The following PIEZO2 variants were observed in gnomAD, a reference collection of about 807,000 sequenced individuals.
The protein encoded by PIEZO2 is piezo-type mechanosensitive ion channel component 2.
In PIEZO2, 172 loss-of-function variants were observed where a neutral mutation model predicts 337.3. The observed-to-expected ratio is 0.51, with a 90% CI of 0.45 to 0.58. The LOEUF is 0.58. Ranked by LOEUF, PIEZO2 falls within the 20% of genes least tolerant of loss-of-function variation. The pLI is 0.00. For synonymous variants in PIEZO2, 1,251 were observed against 1,228.5 expected (o/e 1.02, Z -0.38); for missense variants, 3,028 against 3,391.3 (o/e 0.89, Z 2.66).
Position 10,677,281 on chromosome 18 carries a change from G to T in PIEZO2, c.8081+466C>A, listed in dbSNP as rs571886055. ...TGCCCAGGCTGGAGTGCAGTGCTGC[G>T]ATCTAGGCTCACTGCAACCTCTGCC... is the stretch of plus-strand genomic sequence containing the variant. On this transcript the variant is annotated intron_variant, in intron 53 of 55. Transcript: ENST00000674853. This position sits in a 1 kb window ranked among gnomAD's most constrained non-coding sequence, Gnocchi z 4.1. 2.0e-5 allele frequency among the ~76,000 whole-genome samples: 3 copies of T among 152,048 alleles called. No individual in the cohort carries two copies. Among genetic ancestry groups the T allele is most frequent in the African/African-American group, 7.3e-5 (3 of 41,376 alleles).
chr18:10,736,987 T>C (rs529634470), intron 33 of PIEZO2, among the ~76,000 whole-genome samples: 29 of 152,258 alleles, frequency 1.9e-4, no homozygotes, highest in African/African-American at 5.8e-4. Flanking sequence ...CCCTTCTTCA[T>C]TGTAAAATTT....
chr18:10,800,335 A>G lies in PIEZO2; in HGVS notation c.1378+2T>C. On this transcript the variant is annotated splice_donor_variant, in intron 11 of 55. Coordinates refer to ENST00000674853, the MANE Select transcript of PIEZO2 (RefSeq NM_001378183.1). LOFTEE classifies it high-confidence loss of function. ...GACCCTGAGTGCAGGGCTGGCTCCT[A>G]CCTGAGGATTCATCAGAGGGCTCCC... is the stretch of plus-strand genomic sequence containing the variant. 1 of 1,534,102 alleles carries G rather than the reference A, an allele frequency of 6.5e-7. No individual in the cohort carries two copies. The highest frequency in any genetic ancestry group is 8.7e-7 in the Non-Finnish European group (1 of 1,145,510).
At chr18:10,884,182 T>C (rs1042635450) in intron 4 of PIEZO2, among the ~76,000 whole-genome samples, 3 of 152,240 alleles carry the variant, frequency 2.0e-5, no homozygotes. Context: ...TTTCTACGCC[T>C]GGCTTATCTA....
At chr18:10,858,342 A>G (rs1229864625) in intron 5 of PIEZO2, among the ~76,000 whole-genome samples, 2 of 139,970 alleles carry the variant, frequency 1.4e-5, no homozygotes, top group Non-Finnish European at 3.1e-5. Context: ...AAAAAAAAAA[A>G]AAAAAGAAAA....
rs1475511664 is a variant in PIEZO2, at chr18:11,097,194, A to T, written c.65-30972T>A. Among the ~76,000 whole-genome samples, 1 of 152,170 alleles carries T rather than the reference A, an allele frequency of 6.6e-6. No homozygotes were observed. The highest frequency in any genetic ancestry group is 1.5e-5 in the Non-Finnish European group (1 of 68,028). On this transcript the variant is annotated intron_variant, in intron 1 of 55. Transcript: ENST00000674853. This position sits in a 1 kb window ranked among gnomAD's most constrained non-coding sequence, Gnocchi z 5.0. Reference sequence around the variant, plus strand: ...GCCCCACAAACTAAGAATGCTTTTTATATGTTTAAATGATTGAAAAAAAAA... The same window carrying T: ...GCCCCACAAACTAAGAATGCTTTTTTTATGTTTAAATGATTGAAAAAAAAA...
chr18:10,814,080 G>A (rs992341076), intron 7 of PIEZO2, among the ~76,000 whole-genome samples: 3 of 151,456 alleles, frequency 2.0e-5, no homozygotes, highest in Admixed American at 6.6e-5. Flanking sequence ...CCATCCTCCT[G>A]CCTCAGCCTC....
intron 4 of PIEZO2, among the ~76,000 whole-genome samples, chr18:10,901,024 A>G (rs1279463407): frequency 6.6e-6 from 1 of 152,222 alleles, no homozygotes; most frequent in Admixed American, 6.5e-5. Flanking sequence ...GATTTATTAA[A>G]AACAAACACA....
chr18:11,047,880 G>C lies in PIEZO2; in HGVS notation c.160+18247C>G, dbSNP rs2037375706. On this transcript the variant is annotated intron_variant, in intron 2 of 55. Transcript: ENST00000674853. The surrounding 1 kb of genome is among the most constrained non-coding windows in gnomAD (Gnocchi z 7.2). ...ATTCCTTTGCACCTAAGTGCAAAGG[G>C]ACCTGTAAGAGTTAATGGCTGGCCA... 6.6e-6 allele frequency among the ~76,000 whole-genome samples: 1 copy of C among 152,182 alleles called. No individual in the cohort carries two copies. Among genetic ancestry groups the C allele is most frequent in the African/African-American group, 2.4e-5 (1 of 41,452 alleles).
At chr18:10,874,504 T>C (rs914636588) in intron 4 of PIEZO2, among the ~76,000 whole-genome samples, 4 of 152,176 alleles carry the variant, frequency 2.6e-5, no homozygotes, top group African/African-American at 9.6e-5. Context: ...CTAAGAGATA[T>C]CTGCACTTCT....
At position 11,096,264 on chromosome 18, in the gene PIEZO2, A is replaced by G. The variant is rs1316859282; in HGVS notation, c.65-30042T>C. On this transcript the variant is annotated intron_variant, in intron 1 of 55. Coordinates refer to ENST00000674853, the MANE Select transcript of PIEZO2 (RefSeq NM_001378183.1). The surrounding 1 kb of genome is among the most constrained non-coding windows in gnomAD (Gnocchi z 4.6). The stretch of plus-strand genomic sequence containing the variant: ...TTGCCAGACCAAGCCTGTCCACCCA[A>G]TGGAACCTGCTGGCCCAAGCATTAG... Among the ~76,000 whole-genome samples the G allele has an allele frequency of 2.0e-5, 3 of 152,202 alleles. No homozygotes were observed. Among genetic ancestry groups the G allele is most frequent in the Admixed American group, 6.5e-5 (1 of 15,282 alleles).
Position 10,803,898 on chromosome 18 carries a change from G to C in PIEZO2, c.1177C>G (p.His393Asp), listed in dbSNP as rs1426438255. The change falls in exon 9 of 56, where the codon CAT becomes GAT. Residue 393 changes from histidine (H) to aspartate (D), a missense_variant. This residue lies in a region of PIEZO2 where 542 missense variants were observed against 605.6 expected (regional missense o/e 0.89). Transcript: ENST00000674853. The stretch of plus-strand genomic sequence containing the variant: ...ACTTTTCTCTCATCAGTGGGGTAAT[G>C]GGTTGCGTACCACAGGCTCCGCCTC... ...GRRRSLWYAT[H>D]YPTDERKLLS... is the part of the protein sequence containing the mutation. 1 of 1,537,288 alleles carries C rather than the reference G, an allele frequency of 6.5e-7. No homozygotes were observed. Among genetic ancestry groups the C allele is most frequent in the South Asian group, 1.2e-5 (1 of 84,060 alleles).
At position 10,773,723 on chromosome 18, in the gene PIEZO2, T is replaced by C; in HGVS notation, c.2568-94A>G. On this transcript the variant is annotated intron_variant, in intron 19 of 55. Transcript: ENST00000674853. The surrounding 1 kb of genome is among the most constrained non-coding windows in gnomAD (Gnocchi z 5.3). ...AAAAGGAGGATAAACACAAATGAAA[T>C]CAGTGCATGTACAAAGACCTCACAA... The C allele has an allele frequency of 8.4e-7, 1 of 1,192,400 alleles. No individual in the cohort carries two copies. Among genetic ancestry groups the C allele is most frequent in the Non-Finnish European group, 1.2e-6 (1 of 841,216 alleles). The allele number at this position is 1,192,400 out of a possible 1,614,324, so 73.9% of individuals were successfully genotyped here.
rs1005247154 is a variant in PIEZO2, at chr18:10,819,561, A to T, written c.918-12287T>A. ...TGTCGAACATGTCACTTAACAAAAA[A>T]TCCAAAGATGAGCAGTTCCAGGTTA... On this transcript the variant is annotated intron_variant, in intron 7 of 55. Transcript: ENST00000674853. This position sits in a 1 kb window ranked among gnomAD's most constrained non-coding sequence, Gnocchi z 4.3. 1.1e-4 allele frequency among the ~76,000 whole-genome samples: 17 copies of T among 152,336 alleles called. No homozygotes were observed. The highest frequency in any genetic ancestry group is 4.1e-4 in the African/African-American group (17 of 41,590).
intron 1 of PIEZO2, among the ~76,000 whole-genome samples, chr18:11,120,122 T>G (rs892490600): frequency 3.9e-5 from 6 of 152,180 alleles, no homozygotes; most frequent in African/African-American, 1.4e-4. Flanking sequence ...ATTCCAGACC[T>G]ATCTGTCCCT....
chr18:10,689,633 G>C (rs2034710851), intron 49 of PIEZO2, 22 bp downstream of exon 49: 4 of 1,614,012 alleles, frequency 2.5e-6, no homozygotes, highest in African/African-American at 1.3e-5. Flanking sequence ...ACAGGAATAA[G>C]GCACATCTCC....
At chr18:10,893,774 T>A (rs1007477589) in intron 4 of PIEZO2, 1 of 152,246 alleles carries the variant, frequency 6.6e-6, no homozygotes, top group East Asian at 1.9e-4. Context: ...AACAGCTAAC[T>A]GTTTATACTG....
At chr18:10,689,607 T>C (rs1438828102) in intron 49 of PIEZO2, 48 bp downstream of exon 49, 2 of 1,611,860 alleles carry the variant, frequency 1.2e-6, no homozygotes, top group Non-Finnish European at 1.7e-6. Context: ...AACCAGCCTG[T>C]ATCTAAGAGA....
In PIEZO2 at chr18:10,850,609, A is replaced by G. The variant is rs951994217; in HGVS notation, c.917+4744T>C. On this transcript the variant is annotated intron_variant, in intron 7 of 55. Coordinates refer to ENST00000674853, the MANE Select transcript of PIEZO2 (RefSeq NM_001378183.1). This position sits in a 1 kb window ranked among gnomAD's most constrained non-coding sequence, Gnocchi z 4.5. ...TCAGGGGTTGACTAAATTCTAATAT[A>G]GCTACACAATCACTTTGCACTCTAT... Among the ~76,000 whole-genome samples the G allele has an allele frequency of 2.0e-5, 3 of 152,216 alleles. No individual in the cohort carries two copies. The highest frequency in any genetic ancestry group is 7.2e-5 in the African/African-American group (3 of 41,470).
intron 2 of PIEZO2, among the ~76,000 whole-genome samples, chr18:10,998,472 A>G (rs1345368023): frequency 1.3e-5 from 2 of 152,158 alleles, no homozygotes; most frequent in Non-Finnish European, 2.9e-5. Context: ...GTGTACAGAA[A>G]TAATTGAGGG....
Sources: gnomAD v4.1 joint callset for allele counts (sites outside exome capture counted in the v4.1 genomes callset) on GRCh38, gnomAD v4.1.1 for gene constraint, gnomAD v4.1.1 regional missense constraint, Gnocchi (gnomAD v3.1) non-coding constraint, MANE v1.5 for transcripts, NCBI Gene and HGNC (gene_info 2026-07-23, HGNC 2026-07-21) for gene names.